The following VPS13B variants were observed in gnomAD, a reference collection of about 807,000 sequenced individuals.
The protein encoded by VPS13B is vacuolar protein sorting 13 homolog B.
A neutral mutation model predicts 426.4 loss-of-function variants in VPS13B; 285 were observed. That is an observed-to-expected ratio of 0.67 (90% CI 0.61 to 0.74). The LOEUF (loss-of-function observed/expected upper bound fraction) is 0.74. VPS13B is among the 30% of genes least tolerant of loss of function. The pLI, the probability that VPS13B is intolerant of heterozygous loss-of-function variation, is 0.00. For synonymous variants in VPS13B, 1,676 were observed against 1,676.4 expected, an observed-to-expected ratio of 1.00 and a Z score of 0.01; for missense variants, 4,537 against 4,782.6, an observed-to-expected ratio of 0.95 and a Z score of 1.51.
At chr8:99,695,724 GA>G (rs535503546) in intron 35 of VPS13B, among the ~76,000 whole-genome samples, 2,900 of 129,180 alleles carry the variant, frequency 0.022, 99 homozygotes, top group African/African-American at 0.075. Context: ...TCCATACCAA[GA>G]AAAAAAAAAA....
At chr8:99,139,519 G>T (rs1435304737) in intron 12 of VPS13B, among the ~76,000 whole-genome samples, 1 of 148,708 alleles carries the variant, frequency 6.7e-6, no homozygotes, top group Admixed American at 6.9e-5. Context: ...CTCACTGCAA[G>T]CTCCGCCTCC....
At chr8:99,465,315 C>T (rs932657103) in intron 23 of VPS13B, among the ~76,000 whole-genome samples, 2 of 151,406 alleles carry the variant, frequency 1.3e-5, no homozygotes, top group Non-Finnish European at 2.9e-5. Flanking sequence ...TTTGTCATTG[C>T]ATGTTAAAAT....
intron 15 of VPS13B, among the ~76,000 whole-genome samples, chr8:99,160,241 C>T (rs1588099272): frequency 3.3e-5 from 5 of 151,960 alleles, no homozygotes; most frequent in African/African-American, 1.2e-4. Context: ...AAACAATAAC[C>T]TCAAATGTTG....
At chr8:99,491,676 A>G (rs1235546903) in intron 25 of VPS13B, among the ~76,000 whole-genome samples, 1 of 152,148 alleles carries the variant, frequency 6.6e-6, no homozygotes, top group Admixed American at 6.5e-5. Flanking sequence ...TTGTGCATGC[A>G]TCACGTAGTT....
chr8:99,828,398 T>C (rs1461911754), intron 51 of VPS13B, among the ~76,000 whole-genome samples: 1 of 34,796 alleles, frequency 2.9e-5, no homozygotes, highest in African/African-American at 1.2e-4. Flanking sequence ...ACCACCGTTT[T>C]TTTTTTTTTT....
chr8:99,497,734 C>G (rs765623924), intron 25 of VPS13B, among the ~76,000 whole-genome samples: 1 of 152,010 alleles, frequency 6.6e-6, no homozygotes, highest in African/African-American at 2.4e-5. Flanking sequence ...TGCAATTAAC[C>G]TATGCAGTAA....
At chr8:99,437,299 T>A (rs993882534) in intron 22 of VPS13B, among the ~76,000 whole-genome samples, 3 of 152,126 alleles carry the variant, frequency 2.0e-5, no homozygotes, top group Non-Finnish European at 4.4e-5. Context: ...TTAACAATAT[T>A]TGCTGTAACC....
At chr8:99,207,532 A>C (rs766147156) in intron 17 of VPS13B, among the ~76,000 whole-genome samples, 1 of 152,214 alleles carries the variant, frequency 6.6e-6, no homozygotes, top group African/African-American at 2.4e-5. Context: ...GATTTGAGAA[A>C]AATGCAATTC....
At chr8:99,390,069 C>T (rs112964957) in intron 20 of VPS13B, among the ~76,000 whole-genome samples, 7 of 151,010 alleles carry the variant, frequency 4.6e-5, no homozygotes, top group South Asian at 4.2e-4. Flanking sequence ...ATGATGCTTT[C>T]GATAATTTAT....
chr8:99,654,324 A>T (rs1829941275), intron 34 of VPS13B, among the ~76,000 whole-genome samples: 1 of 152,126 alleles, frequency 6.6e-6, no homozygotes, highest in Non-Finnish European at 1.5e-5. Flanking sequence ...CTGGGATTAC[A>T]GGCGTGAGCC....
At chr8:99,504,198 C>G (rs1365853083) in intron 27 of VPS13B, among the ~76,000 whole-genome samples, 9 of 152,190 alleles carry the variant, frequency 5.9e-5, no homozygotes, top group Admixed American at 5.9e-4. Flanking sequence ...CTTGCTTACT[C>G]TCTTACCATG....
chr8:99,378,268 C>G (rs908026922), intron 19 of VPS13B, among the ~76,000 whole-genome samples: 2 of 152,098 alleles, frequency 1.3e-5, no homozygotes, highest in Non-Finnish European at 2.9e-5. Flanking sequence ...CTGCCCGGCC[C>G]ACAGGCAGCC....
intron 25 of VPS13B, among the ~76,000 whole-genome samples, chr8:99,497,331 C>A (rs1278188269): frequency 7.0e-6 from 1 of 141,996 alleles, no homozygotes. Flanking sequence ...TATTTATATA[C>A]ACATAAAATA....
At chr8:99,586,660 A>G (rs562677149) in intron 33 of VPS13B, among the ~76,000 whole-genome samples, 2 of 152,244 alleles carry the variant, frequency 1.3e-5, no homozygotes, top group South Asian at 4.1e-4. Flanking sequence ...ACACAGAGCA[A>G]TTATTTTGCA....
In VPS13B at chr8:99,575,691, G is replaced by A; in HGVS notation, c.4983G>A (p.Leu1661=). ...IRRHQERRAI[L]TPVLTDFSVR... is the part of the protein sequence containing the mutation. ...GGCATCAAGAAAGGAGAGCAATTTT[G>A]ACCCCCGTTTTGACAGATTTTTCTG... The change falls in exon 32 of 62, where the codon TTG becomes TTA. Residue 1661 remains leucine, a synonymous_variant. Transcript: ENST00000357162. 1.9e-6 allele frequency: 3 copies of A among 1,613,816 alleles called. No homozygotes were observed. Among genetic ancestry groups the A allele is most frequent in the South Asian group, 1.1e-5 (1 of 91,052 alleles).
At chr8:99,102,115 G>C (rs1235703558) in intron 4 of VPS13B, among the ~76,000 whole-genome samples, 1 of 152,058 alleles carries the variant, frequency 6.6e-6, no homozygotes, top group Admixed American at 6.6e-5. Context: ...GTATTCCTCA[G>C]TAGCATGAAA....
At chr8:99,756,922 A>G (rs908432636) in intron 39 of VPS13B, among the ~76,000 whole-genome samples, 7 of 152,234 alleles carry the variant, frequency 4.6e-5, no homozygotes, top group African/African-American at 1.7e-4. Context: ...CCACTTACTA[A>G]ATGTGTAATC....
chr8:99,536,040 C>T (rs1823198672), intron 30 of VPS13B, among the ~76,000 whole-genome samples: 1 of 151,416 alleles, frequency 6.6e-6, no homozygotes, highest in Non-Finnish European at 1.5e-5. Flanking sequence ...ACCTCTGCCT[C>T]CCAGGTTCAA....
At chr8:99,137,583 G>A (rs1215518631) in intron 12 of VPS13B, among the ~76,000 whole-genome samples, 1 of 152,000 alleles carries the variant, frequency 6.6e-6, no homozygotes. Flanking sequence ...ACTTCGCAGA[G>A]TTGATCTTGA....
Sources: allele counts gnomAD v4.1 joint callset (sites outside exome capture counted in the v4.1 genomes callset), GRCh38; gene constraint gnomAD v4.1.1; transcripts MANE v1.5; gene names NCBI Gene and HGNC (gene_info 2026-07-23, HGNC 2026-07-21).